ZNF69: variants seen among roughly 807,000 people sequenced by gnomAD.
ZNF69 encodes the protein ZNF3.
Under a neutral mutation model 50.9 loss-of-function variants are expected in ZNF69, and 47 were observed. That is an observed-to-expected ratio of 0.92 (90% CI 0.73 to 1.18). ZNF69 has a LOEUF of 1.18. Among genes scored for constraint, ZNF69 ranks in the 50% most tolerant of loss-of-function variants. The pLI is 0.00. For missense variants in ZNF69, 717 were observed against 675.1 expected, an observed-to-expected ratio of 1.06 and a Z score of -0.69; for synonymous variants, 216 against 223.1, an observed-to-expected ratio of 0.97 and a Z score of 0.29.
chr19:11,909,478 G>T (rs551786163), downstream of ZNF69, among the ~76,000 whole-genome samples: 2 of 152,290 alleles, frequency 1.3e-5, no homozygotes, highest in South Asian at 4.1e-4. Flanking sequence ...CCACGATCAA[G>T]TTGGCTTCAT....
chr19:11,978,271 T>C, the ZNF69 span: 11 of 1,613,956 alleles, frequency 6.8e-6, no homozygotes, highest in Non-Finnish European at 8.5e-6. Flanking sequence ...GAAGTTGGCA[T>C]AGGTAACTCA....
chr19:11,918,217 T>C (rs1453515052), downstream of ZNF69, among the ~76,000 whole-genome samples: 2 of 152,244 alleles, frequency 1.3e-5, no homozygotes, highest in Non-Finnish European at 2.9e-5. Flanking sequence ...CTAGGAAATG[T>C]CAGTACAGTA....
chr19:11,906,229 C>T lies in ZNF69; in HGVS notation c.*131C>T. The T allele has an allele frequency of 2.0e-6, 3 of 1,519,020 alleles. No individual in the cohort carries two copies. Among genetic ancestry groups the T allele is most frequent in the Non-Finnish European group, 2.6e-6 (3 of 1,141,772 alleles). 94.1% of individuals were successfully genotyped at this position (1,519,020 alleles called of 1,614,324 possible). On this transcript the variant is annotated 3_prime_UTR_variant, in exon 4 of 4. Coordinates refer to ENST00000429654, the MANE Select transcript of ZNF69 (RefSeq NM_001364730.1). ...GAACCTTCGAATTCAGTAAAGGACA[C>T]AAGCACACATAAGAATGCATTCTGG...
the ZNF69 span, among the ~76,000 whole-genome samples, chr19:11,942,665 G>T: frequency 6.6e-6 from 1 of 152,140 alleles, no homozygotes; most frequent in Non-Finnish European, 1.5e-5. Flanking sequence ...GTGTAATTGG[G>T]GCTGCATGCA....
chr19:11,974,725 C>T, the ZNF69 span, among the ~76,000 whole-genome samples: 3 of 152,018 alleles, frequency 2.0e-5, no homozygotes, highest in East Asian at 5.8e-4. Flanking sequence ...ACCTCAGCCT[C>T]CCAGGTAACT....
the ZNF69 span, among the ~76,000 whole-genome samples, chr19:11,941,629 C>T: frequency 6.6e-6 from 1 of 152,216 alleles, no homozygotes; most frequent in Non-Finnish European, 1.5e-5. Flanking sequence ...AGAACTCCAG[C>T]TGGCCCGCAA....
At chr19:11,915,449 A>G (rs993111449), downstream of ZNF69, among the ~76,000 whole-genome samples, 2 of 152,212 alleles carry the variant, frequency 1.3e-5, no homozygotes, top group Non-Finnish European at 2.9e-5. Flanking sequence ...ATTGGCCTAG[A>G]CTATGGGGGT....
chr19:11,900,125 C>T (rs918118833), intron 1 of ZNF69, among the ~76,000 whole-genome samples: 4 of 151,730 alleles, frequency 2.6e-5, no homozygotes, highest in South Asian at 2.1e-4. Flanking sequence ...GGCTGCTGTT[C>T]GTATTATTAG....
rs368669754 is a variant in ZNF69, at chr19:11,892,304, CT to C, written c.63+4324del. Among the ~76,000 whole-genome samples, 622 of 152,158 alleles carry C rather than the reference CT, an allele frequency of 4.1e-3. 2 individuals are homozygous for C. Among genetic ancestry groups the C allele is most frequent in the Middle Eastern group, 0.014 (4 of 294 alleles). The stretch of plus-strand genomic sequence containing the variant: ...TAGCAACTTAATTTGTTATGGTTTG[CT>C]TTTTTCCCCCAGCGCTTGTTTTCTT... On this transcript the variant is annotated intron_variant, in intron 1 of 3. Coordinates refer to ENST00000429654, the MANE Select transcript of ZNF69 (RefSeq NM_001364730.1).
chr19:11,908,221 T>C (rs547724365), downstream of ZNF69, among the ~76,000 whole-genome samples: 20 of 152,280 alleles, frequency 1.3e-4, no homozygotes, highest in Non-Finnish European at 2.9e-5. Context: ...ACAATAATAA[T>C]GGGAGACTTT....
the ZNF69 span, chr19:11,979,865 C>A: frequency 6.7e-7 from 1 of 1,486,862 alleles, no homozygotes; most frequent in Non-Finnish European, 9.4e-7. Flanking sequence ...GACACAAACA[C>A]ACGTAAGAAT....
chr19:11,957,732 C>T, the ZNF69 span, among the ~76,000 whole-genome samples: 4 of 151,760 alleles, frequency 2.6e-5, no homozygotes, highest in South Asian at 2.1e-4. Flanking sequence ...GTAACACCAG[C>T]TAGTCTGGTG....
the ZNF69 span, among the ~76,000 whole-genome samples, chr19:11,974,139 TTTCTTTCTTTCTTTCTTTCCTTCC>T: frequency 8.2e-5 from 10 of 122,354 alleles, no homozygotes; most frequent in African/African-American, 4.0e-4. Flanking sequence ...TCTTTCTTTC[TTTCTTTCTTTCTTTCTTTCCTTCC>T]TTCCTTCCTT....
the ZNF69 span, among the ~76,000 whole-genome samples, chr19:11,943,435 TC>T: frequency 2.6e-5 from 4 of 152,222 alleles, no homozygotes; most frequent in Non-Finnish European, 5.9e-5. Flanking sequence ...AGTGATTATT[TC>T]TAAGATAGCT....
At chr19:11,888,075 C>G (rs574122670) in intron 1 of ZNF69, 89 bp downstream of exon 1, 1 of 1,358,294 alleles carries the variant, frequency 7.4e-7, no homozygotes, top group African/African-American at 1.5e-5. Context: ...GGCTTTCCTG[C>G]GGGCGACTTT....
the ZNF69 span, among the ~76,000 whole-genome samples, chr19:11,954,698 G>A: frequency 6.6e-6 from 1 of 152,264 alleles, no homozygotes; most frequent in South Asian, 2.1e-4. Flanking sequence ...TGGATGTGGT[G>A]GCACATACCA....
the ZNF69 span, chr19:11,947,566 A>C: frequency 6.2e-7 from 1 of 1,613,390 alleles, no homozygotes; most frequent in Non-Finnish European, 8.5e-7. Flanking sequence ...ACCCCAGAAG[A>C]AGCTTCAGGT....
In ZNF69 at chr19:11,906,053, T is replaced by C. The variant is rs1291216136; in HGVS notation, c.1656T>C (p.His552=). The change falls in exon 4 of 4, where the codon CAT becomes CAC. Residue 552 remains histidine, a synonymous_variant. Coordinates refer to ENST00000429654, the MANE Select transcript of ZNF69 (RefSeq NM_001364730.1). Reference sequence around the variant, plus strand: ...GAGCTGCCTCAGTCCTTCGAATGCATGGTAGGACTCACCCTGAAGATAAAC... The same window carrying C: ...GAGCTGCCTCAGTCCTTCGAATGCACGGTAGGACTCACCCTGAAGATAAAC... ...AFRAASVLRM[H]GRTHPEDKPY... 5.0e-6 allele frequency: 8 copies of C among 1,613,364 alleles called. No homozygotes were observed. Among genetic ancestry groups the C allele is most frequent in the Non-Finnish European group, 4.2e-6 (5 of 1,179,776 alleles).
intron 1 of ZNF69, among the ~76,000 whole-genome samples, chr19:11,901,898 G>C (rs944342102): frequency 6.6e-6 from 1 of 151,714 alleles, no homozygotes; most frequent in African/African-American, 2.4e-5. Context: ...AGTTCTCTAA[G>C]ATGAATTCTA....
Sources: allele counts gnomAD v4.1 joint callset (sites outside exome capture counted in the v4.1 genomes callset), GRCh38; gene constraint gnomAD v4.1.1; transcripts MANE v1.5; gene names NCBI Gene and HGNC (gene_info 2026-07-23, HGNC 2026-07-21).